The following PTPRT variants were observed in gnomAD, a reference collection of about 807,000 sequenced individuals.
The protein encoded by PTPRT is receptor-type tyrosine-protein phosphatase T.
Under a neutral mutation model 176.8 loss-of-function variants are expected in PTPRT, and 56 were observed. The observed-to-expected ratio is 0.32, with a 90% CI of 0.26 to 0.40. PTPRT has a LOEUF of 0.40. PTPRT is among the 10% of genes least tolerant of loss of function. The pLI, the probability that PTPRT is intolerant of heterozygous loss-of-function variation, is 1.00. For missense variants in PTPRT, 1,540 were observed against 1,908.2 expected, an observed-to-expected ratio of 0.81 and a Z score of 3.60; for synonymous variants, 783 against 739.0, an observed-to-expected ratio of 1.06 and a Z score of -0.96.
At chr20:42,411,809 T>G (rs1366831412) in intron 9 of PTPRT, among the ~76,000 whole-genome samples, 1 of 150,498 alleles carries the variant, frequency 6.6e-6, no homozygotes, top group African/African-American at 2.4e-5. Flanking sequence ...AAAATCCATA[T>G]GAAAACAGTT....
intron 1 of PTPRT, among the ~76,000 whole-genome samples, chr20:43,128,198 T>C (rs2013515370): frequency 6.6e-6 from 1 of 152,176 alleles, no homozygotes; most frequent in African/African-American, 2.4e-5. Flanking sequence ...TAGAGGCAGA[T>C]GAAGCCAGCC....
At chr20:43,095,622 C>CT (rs2012102555) in intron 1 of PTPRT, among the ~76,000 whole-genome samples, 1 of 151,276 alleles carries the variant, frequency 6.6e-6, no homozygotes, top group Non-Finnish European at 1.5e-5. Context: ...TCTCTCTCCC[C>CT]CACCGATCTC....
At chr20:42,985,449 A>ACTT (rs1455308920) in intron 1 of PTPRT, among the ~76,000 whole-genome samples, 1 of 152,000 alleles carries the variant, frequency 6.6e-6, no homozygotes, top group Non-Finnish European at 1.5e-5. Flanking sequence ...AGCCAAGATC[A>ACTT]CACCATTGCA....
chr20:42,660,864 T>C (rs2075211123), intron 7 of PTPRT, among the ~76,000 whole-genome samples: 1 of 152,194 alleles, frequency 6.6e-6, no homozygotes, highest in African/African-American at 2.4e-5. Flanking sequence ...GTTTTTATTT[T>C]TTCTTGAGAC....
In PTPRT at chr20:42,729,202, C is replaced by T. The variant is rs541095632; in HGVS notation, c.859+27260G>A. The stretch of plus-strand genomic sequence containing the variant: ...CAGGTTTGGCAAAATGAGGCTCCCA[C>T]CCTGAACTAAAAATGCTTCTCTTGT... On this transcript the variant is annotated intron_variant, in intron 6 of 30. Transcript: ENST00000373187. Among the ~76,000 whole-genome samples, 76 of 152,290 alleles carry T rather than the reference C, an allele frequency of 5.0e-4. 1 individual carries two copies. Among genetic ancestry groups the T allele is most frequent in the Non-Finnish European group, 9.6e-4 (65 of 68,034 alleles).
chr20:42,787,119 T>C (rs1308674827), intron 3 of PTPRT, among the ~76,000 whole-genome samples: 1 of 152,170 alleles, frequency 6.6e-6, no homozygotes, highest in Non-Finnish European at 1.5e-5. Context: ...GACAAAAATG[T>C]TTTCTTTCTG....
At chr20:42,941,224 A>T (rs2145992928) in intron 1 of PTPRT, among the ~76,000 whole-genome samples, 1 of 152,290 alleles carries the variant, frequency 6.6e-6, no homozygotes, top group East Asian at 1.9e-4. Flanking sequence ...TTCAAAGCCC[A>T]CTCAGCTGGA....
chr20:42,377,179 CA>C (rs1459923018), intron 9 of PTPRT, among the ~76,000 whole-genome samples: 4 of 152,168 alleles, frequency 2.6e-5, no homozygotes, highest in African/African-American at 9.7e-5. Context: ...CAGAAACATT[CA>C]GGGGCAATAG....
At chr20:42,752,652 C>G (rs1457279998) in intron 6 of PTPRT, among the ~76,000 whole-genome samples, 3 of 152,178 alleles carry the variant, frequency 2.0e-5, no homozygotes, top group African/African-American at 7.2e-5. Flanking sequence ...CTTTTTTGGT[C>G]TGTTTTTCAG....
intron 2 of PTPRT, among the ~76,000 whole-genome samples, chr20:42,858,152 C>A (rs1346714097): frequency 6.6e-6 from 1 of 152,132 alleles, no homozygotes; most frequent in African/African-American, 2.4e-5. Flanking sequence ...TACTTTGGGG[C>A]AGACTGAGAT....
intron 6 of PTPRT, among the ~76,000 whole-genome samples, chr20:42,711,157 T>C (rs1600647210): frequency 6.6e-6 from 1 of 152,252 alleles, no homozygotes; most frequent in African/African-American, 2.4e-5. Flanking sequence ...GATAAGACTA[T>C]GAACTTTTGA....
At chr20:42,576,168 T>C (rs2073256663) in intron 7 of PTPRT, among the ~76,000 whole-genome samples, 1 of 152,152 alleles carries the variant, frequency 6.6e-6, no homozygotes, top group African/African-American at 2.4e-5. Context: ...CCTTTGTCCC[T>C]AGATAATCTG....
chr20:42,571,544 G>A (rs2073154116), intron 7 of PTPRT, among the ~76,000 whole-genome samples: 1 of 152,224 alleles, frequency 6.6e-6, no homozygotes, highest in African/African-American at 2.4e-5. Flanking sequence ...GTGGTAATTT[G>A]CTACAGCAGC....
intron 6 of PTPRT, among the ~76,000 whole-genome samples, chr20:42,723,418 G>A (rs888913362): frequency 2.0e-5 from 3 of 152,106 alleles, no homozygotes; most frequent in South Asian, 2.1e-4. Flanking sequence ...CGGCCTTCCC[G>A]GTGAGCTGGG....
intron 1 of PTPRT, among the ~76,000 whole-genome samples, chr20:43,142,011 G>A (rs2014025796): frequency 6.6e-6 from 1 of 152,184 alleles, no homozygotes; most frequent in Admixed American, 6.5e-5. Flanking sequence ...GAAGACTCAA[G>A]TCTAACCTCA....
chr20:43,068,529 A>G (rs2011142952), intron 1 of PTPRT, among the ~76,000 whole-genome samples: 1 of 150,540 alleles, frequency 6.6e-6, no homozygotes, highest in South Asian at 2.1e-4. Flanking sequence ...AAAAAAGCCA[A>G]TTAGGGAAGG....
chr20:42,853,977 A>T (rs1395348433), intron 2 of PTPRT, among the ~76,000 whole-genome samples: 2 of 152,126 alleles, frequency 1.3e-5, no homozygotes, highest in Non-Finnish European at 2.9e-5. Context: ...TGTACCACCC[A>T]TTATCAAATC....
chr20:42,781,877 T>TC (rs1271384519), intron 3 of PTPRT, among the ~76,000 whole-genome samples: 4 of 152,210 alleles, frequency 2.6e-5, no homozygotes, highest in Non-Finnish European at 4.4e-5. Flanking sequence ...TCCAAGTGCC[T>TC]AGGTTCAAGT....
At chr20:42,904,732 T>A (rs530620691) in intron 1 of PTPRT, among the ~76,000 whole-genome samples, 45 of 152,110 alleles carry the variant, frequency 3.0e-4, no homozygotes, top group Admixed American at 5.9e-4. Context: ...CCTGTGCCTA[T>A]AAAAACCCCG....
Sources: allele counts gnomAD v4.1 joint callset (sites outside exome capture counted in the v4.1 genomes callset), GRCh38; gene constraint gnomAD v4.1.1; transcripts MANE v1.5; gene names NCBI Gene and HGNC (gene_info 2026-07-23, HGNC 2026-07-21).